ART3: variants seen among roughly 807,000 people sequenced by gnomAD.
ART3 encodes ADP-ribosyltransferase 3 (inactive).
Under a neutral mutation model 48.5 loss-of-function variants are expected in ART3, and 49 were observed. The ratio of observed to expected loss-of-function variants is 1.01; its 90% CI spans 0.80 to 1.28. The LOEUF is 1.28. Ranked by LOEUF, ART3 falls within the 50% of genes most tolerant of loss-of-function variation. The probability of loss-of-function intolerance (pLI) is 0.00; values close to 1 mark genes in which losing one functional copy is unlikely to be tolerated. For synonymous variants in ART3, 145 were observed against 157.2 expected (o/e 0.92, Z 0.58); for missense variants, 438 against 454.3 (o/e 0.96, Z 0.33).
chr4:76,013,149 G>A lies in ART3; in HGVS notation c.-10+1829G>A, dbSNP rs367811628. On this transcript the variant is annotated intron_variant, in intron 1 of 9. Coordinates refer to the ART3 transcript ENST00000341029. Reference sequence around the variant, plus strand: ...GAGAAGTGCACAACCCTGGCTGATGGGTTCAGACGCAGCTGTCTGAGTTAG... The same window carrying A: ...GAGAAGTGCACAACCCTGGCTGATGAGTTCAGACGCAGCTGTCTGAGTTAG... Among the ~76,000 whole-genome samples the A allele has an allele frequency of 3.0e-4, 45 of 152,324 alleles. 1 individual carries two copies. The highest frequency in any genetic ancestry group is 2.7e-3 in the East Asian group (14 of 5,188).
intron 2 of ART3, among the ~76,000 whole-genome samples, chr4:76,076,177 T>A (rs916267692): frequency 4.6e-5 from 7 of 152,078 alleles, no homozygotes; most frequent in Non-Finnish European, 1.0e-4. Flanking sequence ...GCTAATTTTT[T>A]GTATTTTTGG....
At chr4:76,075,804 C>T (rs7693105) in intron 1 of ART3, 77 bp from the exon 2 acceptor site, 8 of 1,068,532 alleles carry the variant, frequency 7.5e-6, no homozygotes, top group Admixed American at 2.2e-5. Context: ...TGAAAAAATA[C>T]GCAGTGTCAT....
intron 1 of ART3, among the ~76,000 whole-genome samples, chr4:76,061,613 G>A (rs575092350): frequency 2.0e-5 from 3 of 152,296 alleles, no homozygotes; most frequent in South Asian, 2.1e-4. Context: ...CACACAAGGC[G>A]CTCTTTATGA....
chr4:76,046,736 C>CTTTA (rs1735540209), intron 1 of ART3, among the ~76,000 whole-genome samples: 1 of 151,938 alleles, frequency 6.6e-6, no homozygotes, highest in African/African-American at 2.4e-5. Flanking sequence ...TATATCCCTC[C>CTTTA]TTAATAAGGG....
chr4:76,110,631 T>C (rs535001189), intron 11 of ART3, among the ~76,000 whole-genome samples: 81 of 152,286 alleles, frequency 5.3e-4, no homozygotes, highest in African/African-American at 1.9e-3. Flanking sequence ...ATATTGGCTA[T>C]ATAGAAATGT....
chr4:76,032,118 CT>C (rs1238320806), intron 1 of ART3, among the ~76,000 whole-genome samples: 1 of 152,016 alleles, frequency 6.6e-6, no homozygotes, highest in Non-Finnish European at 1.5e-5. Context: ...CTATGAAGAA[CT>C]TTAGGTGTAT....
chr4:76,111,058 TA>T (rs1187990931), intron 11 of ART3, among the ~76,000 whole-genome samples: 4 of 152,316 alleles, frequency 2.6e-5, no homozygotes, highest in African/African-American at 9.6e-5. Context: ...AAATTAACTA[TA>T]ATACATACTG....
rs914224637 is a variant in ART3 at position 76,081,958 on chromosome 4, T to C, written c.204T>C (p.Thr68=). ...AAGCAAGCCACCAGCAATTAGATAC[T>C]GTGTGGGAAAATGCAAAAGCCAAAT... ...EEKASHQQLD[T]VWENAKAKWA... The change falls in exon 3 of 12, where the codon ACT becomes ACC. Residue 68 remains threonine, a synonymous_variant. Transcript: ENST00000355810. The C allele has an allele frequency of 1.2e-6, 2 of 1,614,030 alleles. No individual in the cohort carries two copies. Among genetic ancestry groups the C allele is most frequent in the Admixed American group, 1.7e-5 (1 of 59,998 alleles).
chr4:76,105,482 G>T, intron 10 of ART3: 3 of 1,284,542 alleles, frequency 2.3e-6, no homozygotes, highest in Non-Finnish European at 3.0e-6. Flanking sequence ...GTAAATGGTA[G>T]CTGCCTTTGT....
chr4:76,041,648 TA>T (rs1001364130), intron 1 of ART3, among the ~76,000 whole-genome samples: 8 of 152,202 alleles, frequency 5.3e-5, no homozygotes, highest in Non-Finnish European at 8.8e-5. Flanking sequence ...AATGTGGATA[TA>T]AAAATGTTAA....
intron 1 of ART3, among the ~76,000 whole-genome samples, chr4:76,040,437 T>TACACACAC (rs748020159): frequency 6.2e-4 from 55 of 88,492 alleles, no homozygotes; most frequent in East Asian, 2.5e-3. Context: ...ATACACTGGA[T>TACACACAC]ACACACACAC....
chr4:76,093,113 A>G (rs1051394942), intron 3 of ART3, among the ~76,000 whole-genome samples: 2 of 152,052 alleles, frequency 1.3e-5, no homozygotes, highest in Non-Finnish European at 2.9e-5. Context: ...TCCTTCATCC[A>G]TCTTCAGTCA....
At chr4:76,019,433 T>C (rs912613654) in intron 1 of ART3, among the ~76,000 whole-genome samples, 1 of 148,516 alleles carries the variant, frequency 6.7e-6, no homozygotes, top group South Asian at 2.2e-4. Context: ...AAGATCAGTG[T>C]ACTGTACACT....
chr4:76,098,756 G>A (rs1425579454), intron 4 of ART3, among the ~76,000 whole-genome samples, 199 bp from the exon 5 acceptor site: 1 of 151,910 alleles, frequency 6.6e-6, no homozygotes, highest in Non-Finnish European at 1.5e-5. Context: ...CAAGACTCTT[G>A]TCTCAAAAAA....
At chr4:76,061,674 C>T (rs953828444) in intron 1 of ART3, among the ~76,000 whole-genome samples, 4 of 152,186 alleles carry the variant, frequency 2.6e-5, no homozygotes, top group Non-Finnish European at 5.9e-5. Flanking sequence ...TTCCATAAAA[C>T]ATATCATGCT....
At chr4:76,043,830 CCAGCACACTGT>C (rs1560592474) in intron 1 of ART3, among the ~76,000 whole-genome samples, 1 of 151,664 alleles carries the variant, frequency 6.6e-6, no homozygotes, top group Non-Finnish European at 1.5e-5. Context: ...GTGAGGACTG[CCAGCACACTGT>C]CACCTCTCAA....
chr4:76,107,863 T>C, intron 11 of ART3, 70 bp downstream of exon 11: 1 of 1,286,410 alleles, frequency 7.8e-7, no homozygotes, highest in East Asian at 2.5e-5. Flanking sequence ...GAGAAATTTA[T>C]TTTTCCTCAA....
chr4:76,103,537 T>C (rs933735481), intron 8 of ART3, among the ~76,000 whole-genome samples: 5 of 152,158 alleles, frequency 3.3e-5, no homozygotes, highest in African/African-American at 1.2e-4. Flanking sequence ...TAAATATTTC[T>C]CTTGCAAAGT....
At chr4:76,071,509 C>T (rs139811158), upstream of ART3, among the ~76,000 whole-genome samples, 1 of 152,242 alleles carries the variant, frequency 6.6e-6, no homozygotes, top group East Asian at 1.9e-4. Flanking sequence ...TCCAATGTCT[C>T]CAATTCCTCT....
Sources: gnomAD v4.1 joint callset for allele counts (sites outside exome capture counted in the v4.1 genomes callset) on GRCh38, gnomAD v4.1.1 for gene constraint, MANE v1.5 for transcripts, NCBI Gene and HGNC (gene_info 2026-07-23, HGNC 2026-07-21) for gene names.